MCC: variants seen among roughly 807,000 people sequenced by gnomAD.
MCC encodes the protein MCC regulator of Wnt signaling pathway, also known as colorectal mutant cancer protein.
Under a neutral mutation model 116.2 loss-of-function variants are expected in MCC, and 90 were observed. The observed-to-expected ratio is 0.77, with a 90% CI of 0.65 to 0.92. The LOEUF (loss-of-function observed/expected upper bound fraction) is 0.92, where lower values mean the gene tolerates loss of function less well. Ranked by LOEUF, MCC falls within the 40% of genes least tolerant of loss-of-function variation. The pLI, the probability that MCC is intolerant of heterozygous loss-of-function variation, is 0.00. For synonymous variants in MCC, 578 were observed against 510.5 expected (o/e 1.13, Z -1.78); for missense variants, 1,516 against 1,312.2 (o/e 1.16, Z -2.40).
At chr5:113,056,496 TCTTA>T (rs1752839725) in intron 14 of MCC, among the ~76,000 whole-genome samples, 2 of 152,262 alleles carry the variant, frequency 1.3e-5, no homozygotes, top group Admixed American at 1.3e-4. Flanking sequence ...TACCACATGT[TCTTA>T]CTTATAAGTT....
chr5:113,121,416 C>G (rs924204789), intron 6 of MCC, among the ~76,000 whole-genome samples: 1 of 152,192 alleles, frequency 6.6e-6, no homozygotes, highest in Non-Finnish European at 1.5e-5. Context: ...TCCAGTCCCC[C>G]TCTCACACCT....
chr5:113,229,536 A>G (rs1763865184), intron 3 of MCC, among the ~76,000 whole-genome samples: 1 of 152,160 alleles, frequency 6.6e-6, no homozygotes. Context: ...TACTGGCCCA[A>G]ACTTTTCTAA....
chr5:113,258,812 G>A (rs2150347455), intron 3 of MCC, among the ~76,000 whole-genome samples: 1 of 152,286 alleles, frequency 6.6e-6, no homozygotes, highest in African/African-American at 2.4e-5. Context: ...CCTGTTAAAT[G>A]CTGTGACTCA....
chr5:113,068,022 G>A lies in MCC; in HGVS notation c.2029+58C>T, dbSNP rs1176835946. On this transcript the variant is annotated intron_variant, in intron 13 of 18. Coordinates refer to ENST00000408903, the MANE Select transcript of MCC (RefSeq NM_001085377.2). ...TTCAATGCCAGTTGCTGAGACAGGG[G>A]CAGAAGCAAAGGAGGCAGGGAGACA... is the stretch of plus-strand genomic sequence containing the variant. The A allele has an allele frequency of 1.5e-5, 22 of 1,438,694 alleles. No homozygotes were observed. The Admixed American group carries it at 3.5e-4, about 23-fold the overall frequency. The allele number at this position is 1,438,694 out of a possible 1,614,324, so 89.1% of individuals were successfully genotyped here.
Position 113,407,740 on chromosome 5 carries a change from C to G in MCC, c.171-22528G>C, listed in dbSNP as rs537291137. Among the ~76,000 whole-genome samples, 85 of 152,190 alleles carry G rather than the reference C, an allele frequency of 5.6e-4. 2 individuals carry two copies. In the South Asian group the frequency reaches 0.015, roughly 27 times the overall value. On this transcript the variant is annotated intron_variant, in intron 1 of 18. Coordinates refer to ENST00000408903, the MANE Select transcript of MCC (RefSeq NM_001085377.2). ...GTTTGCTGCACCTATCAACCTGTCA[C>G]CTATATTTTAAGCCCCGCATACATT...
intron 3 of MCC, among the ~76,000 whole-genome samples, chr5:113,254,797 C>T (rs1764945201): frequency 6.6e-6 from 1 of 152,152 alleles, no homozygotes; most frequent in Non-Finnish European, 1.5e-5. Context: ...TGGATTTTCC[C>T]AATCTAAGAG....
chr5:113,343,129 T>G (rs954500219), intron 2 of MCC, among the ~76,000 whole-genome samples: 3 of 152,238 alleles, frequency 2.0e-5, no homozygotes, highest in Non-Finnish European at 4.4e-5. Context: ...AGTTCTGATA[T>G]GAATGTCCAG....
intron 3 of MCC, among the ~76,000 whole-genome samples, chr5:113,255,592 T>C (rs1041816314): frequency 3.9e-5 from 6 of 152,198 alleles, no homozygotes; most frequent in Admixed American, 1.3e-4. Context: ...CTAACTAATA[T>C]ATATCTCCTT....
chr5:113,367,079 G>T (rs1768709309), intron 2 of MCC, among the ~76,000 whole-genome samples: 1 of 152,148 alleles, frequency 6.6e-6, no homozygotes, highest in South Asian at 2.1e-4. Context: ...GGGATTACAG[G>T]TGTGAGCTGC....
In MCC at chr5:113,386,600, C is replaced by T. The variant is rs1292199751; in HGVS notation, c.171-1388G>A. On this transcript the variant is annotated intron_variant, in intron 1 of 18. Coordinates refer to ENST00000408903, the MANE Select transcript of MCC (RefSeq NM_001085377.2). Reference sequence around the variant, plus strand: ...TAAATAAATGTAAAAGACTCCAAGACCTTTCAATTTATGCCAGGCCTATGC... The same window carrying T: ...TAAATAAATGTAAAAGACTCCAAGATCTTTCAATTTATGCCAGGCCTATGC... Among the ~76,000 whole-genome samples, 3 of 152,240 alleles carry T rather than the reference C, an allele frequency of 2.0e-5. No individual in the cohort carries two copies. The East Asian group carries it at 5.8e-4, about 29-fold the overall frequency.
intron 11 of MCC, among the ~76,000 whole-genome samples, chr5:113,081,120 A>C (rs1353495869): frequency 6.6e-6 from 1 of 152,186 alleles, no homozygotes; most frequent in East Asian, 1.9e-4. Context: ...ACATACTTTG[A>C]GAGTAATAGG....
At chr5:113,141,431 C>T (rs1432437970) in intron 5 of MCC, among the ~76,000 whole-genome samples, 2 of 152,218 alleles carry the variant, frequency 1.3e-5, no homozygotes, top group Non-Finnish European at 2.9e-5. Context: ...CCTTTCATAT[C>T]TTTACAGATG....
Position 113,064,051 on chromosome 5 carries a change from C to T in MCC, c.2146G>A (p.Gly716Arg). The change falls in exon 14 of 19, where the codon GGA (glycine) becomes AGA (arginine). Residue 716 changes from glycine (G) to arginine (R), a missense_variant. Coordinates refer to ENST00000408903, the MANE Select transcript of MCC (RefSeq NM_001085377.2). The part of the protein sequence containing the change: ...LLMKLDGSCG[G>R]AFAVAGCSVQ... ...CTGCAGCCGGCCACGGCAAAGGCTC[C>T]CCCACAGCTGCCGTCCAGCTTCATG... 3 of 1,614,194 alleles carry T rather than the reference C, an allele frequency of 1.9e-6. No homozygotes were observed. Among genetic ancestry groups the T allele is most frequent in the African/African-American group, 1.3e-5 (1 of 75,070 alleles).
chr5:113,208,993 T>A (rs1763015932), intron 3 of MCC, among the ~76,000 whole-genome samples: 1 of 152,204 alleles, frequency 6.6e-6, no homozygotes, highest in Admixed American at 6.5e-5. Context: ...TCTAATATCA[T>A]CCAAGGATTG....
At chr5:113,235,449 G>C (rs376030315) in intron 3 of MCC, among the ~76,000 whole-genome samples, 16 of 152,184 alleles carry the variant, frequency 1.1e-4, no homozygotes, top group African/African-American at 3.9e-4. Flanking sequence ...CTAAACAAGA[G>C]AGAGGTAAAT....
chr5:113,344,450 G>A (rs1215179595), intron 2 of MCC, among the ~76,000 whole-genome samples: 3 of 152,102 alleles, frequency 2.0e-5, no homozygotes, highest in Admixed American at 6.5e-5. Context: ...GACATCACCC[G>A]GGTTGGCTAA....
chr5:113,444,475 G>A (rs545959351), intron 1 of MCC, among the ~76,000 whole-genome samples: 65 of 152,226 alleles, frequency 4.3e-4, no homozygotes, highest in Admixed American at 1.7e-3. Flanking sequence ...TTAAATCTGC[G>A]GTCTACATGT....
chr5:113,424,132 T>TACACACACACACAC lies in MCC; in HGVS notation c.171-38934_171-38921dup, dbSNP rs547192248. On this transcript the variant is annotated intron_variant, in intron 1 of 18. Coordinates refer to ENST00000408903, the MANE Select transcript of MCC (RefSeq NM_001085377.2). ...TCCCACTGGTCAAAAAGTCATCCTCTACACACACACACACACACACACACA... is the reference window on the plus strand; with the variant it reads ...TCCCACTGGTCAAAAAGTCATCCTCTACACACACACACACACACACACACACACACACACACACA... Among the ~76,000 whole-genome samples, 362 of 112,698 alleles carry TACACACACACACAC rather than the reference T, an allele frequency of 3.2e-3. 10 individuals are homozygous for TACACACACACACAC. The highest frequency in any genetic ancestry group is 6.5e-3 in the African/African-American group (189 of 29,274). The allele number at this position is 112,698 out of a possible 152,430, so 73.9% of individuals were successfully genotyped here.
intron 1 of MCC, among the ~76,000 whole-genome samples, chr5:113,459,725 T>C (rs1771692279): frequency 6.6e-6 from 1 of 151,880 alleles, no homozygotes; most frequent in Admixed American, 6.6e-5. Context: ...AGCTCTCCAA[T>C]GTGATCACTG....
Sources: gnomAD v4.1 joint callset for allele counts (sites outside exome capture counted in the v4.1 genomes callset) on GRCh38, gnomAD v4.1.1 for gene constraint, MANE v1.5 for transcripts, NCBI Gene and HGNC (gene_info 2026-07-23, HGNC 2026-07-21) for gene names.